Variants in STK3 observed in about 807,000 individuals in gnomAD.
The protein encoded by STK3 is serine/threonine kinase 3, also known as serine/threonine-protein kinase 3.
STK3 carries 41 observed loss-of-function variants against 58.0 expected under a neutral mutation model. That is an observed-to-expected ratio of 0.71 (90% CI 0.55 to 0.92). STK3 has a LOEUF of 0.92. Among genes scored for constraint, STK3 ranks in the 40% least tolerant of loss-of-function variants. The pLI is 0.00. For synonymous variants in STK3, 170 were observed against 191.0 expected (o/e 0.89, Z 0.91); for missense variants, 479 against 602.7 (o/e 0.79, Z 2.15).
intron 2 of STK3, among the ~76,000 whole-genome samples, chr8:98,372,159 G>A (rs1817616760): frequency 6.6e-6 from 1 of 152,178 alleles, no homozygotes; most frequent in Non-Finnish European, 1.5e-5. Context: ...CTAGGCAAAG[G>A]CAAGGAAAGA....
intron 6 of STK3, chr8:98,598,291 T>C (rs1816004455): frequency 2.0e-6 from 2 of 985,274 alleles, no homozygotes; most frequent in South Asian, 9.4e-5. Context: ...CAGTAGCTAT[T>C]AGAAACCCAA....
At chr8:98,663,606 G>A (rs1449332551) in intron 6 of STK3, among the ~76,000 whole-genome samples, 1 of 152,132 alleles carries the variant, frequency 6.6e-6, no homozygotes, top group East Asian at 1.9e-4. Context: ...CAATAGCAAA[G>A]ACTTGGAACC....
chr8:98,427,897 G>T lies in STK3; in HGVS notation n.483+6230C>A. Reference sequence around the variant, plus strand: ...GGTAGGGAGAGGGGGCCCCGCCAGGGCGCACGGCGCTCTCGCCGACGCTGT... The same window carrying T: ...GGTAGGGAGAGGGGGCCCCGCCAGGTCGCACGGCGCTCTCGCCGACGCTGT... On this transcript the variant is annotated intron_variant and non_coding_transcript_variant, in intron 3 of 3. Coordinates refer to the STK3 transcript ENST00000517832. 3 of 1,239,394 alleles carry T rather than the reference G, an allele frequency of 2.4e-6. No individual in the cohort carries two copies. In the South Asian group the frequency reaches 4.7e-5, roughly 19 times the overall value. The allele number at this position is 1,239,394 out of a possible 1,614,324, so 76.8% of individuals were successfully genotyped here.
chr8:98,790,983 C>CAA (rs749265270), intron 1 of STK3, among the ~76,000 whole-genome samples: 10 of 106,334 alleles, frequency 9.4e-5, no homozygotes, highest in Admixed American at 5.9e-4. Context: ...GACTCCGTCT[C>CAA]AAAAAAAAAA....
chr8:98,906,827 A>G (rs1464355125), intron 1 of STK3, among the ~76,000 whole-genome samples: 1 of 152,088 alleles, frequency 6.6e-6, no homozygotes, highest in African/African-American at 2.4e-5. Context: ...ACTATTTGCC[A>G]CATAGTACTT....
intron 10 of STK3, among the ~76,000 whole-genome samples, chr8:98,492,514 G>A (rs1166716090): frequency 1.3e-5 from 2 of 152,072 alleles, no homozygotes; most frequent in Admixed American, 6.6e-5. Flanking sequence ...GCTGAAGATA[G>A]TAATAATTTT....
chr8:98,863,634 A>T (rs1837015516), intron 3 of STK3, among the ~76,000 whole-genome samples: 1 of 152,226 alleles, frequency 6.6e-6, no homozygotes, highest in Admixed American at 6.5e-5. Flanking sequence ...CAGTATACAA[A>T]AAAATTTTAA....
chr8:98,510,316 G>A (rs1191120901), intron 10 of STK3, among the ~76,000 whole-genome samples: 1 of 151,968 alleles, frequency 6.6e-6, no homozygotes, highest in Non-Finnish European at 1.5e-5. Flanking sequence ...GTCTGAAGAC[G>A]GTTATGTGTG....
intron 10 of STK3, among the ~76,000 whole-genome samples, chr8:98,476,957 ACT>A (rs1359769510): frequency 1.3e-5 from 2 of 152,210 alleles, no homozygotes. Context: ...AACTGCAAGA[ACT>A]CTCTGACCTT....
intron 1 of STK3, among the ~76,000 whole-genome samples, chr8:98,936,580 C>G (rs1294623479): frequency 6.6e-6 from 1 of 152,202 alleles, no homozygotes; most frequent in Non-Finnish European, 1.5e-5. Flanking sequence ...ACTCCCAGGC[C>G]ATATGGCTTG....
chr8:98,682,395 A>C (rs1445244466), intron 6 of STK3, among the ~76,000 whole-genome samples: 1 of 152,210 alleles, frequency 6.6e-6, no homozygotes, highest in Non-Finnish European at 1.5e-5. Flanking sequence ...GATATCATTC[A>C]TTTGATTACA....
At chr8:98,464,191 T>G (rs1037088642) in intron 10 of STK3, among the ~76,000 whole-genome samples, 1 of 152,152 alleles carries the variant, frequency 6.6e-6, no homozygotes, top group Non-Finnish European at 1.5e-5. Context: ...ACAACAAGAA[T>G]TTTCTATGGC....
At chr8:98,420,070 G>C (rs931986074) in intron 3 of STK3, among the ~76,000 whole-genome samples, 3 of 152,166 alleles carry the variant, frequency 2.0e-5, no homozygotes, top group Admixed American at 1.3e-4. Flanking sequence ...CCTCCCCCTT[G>C]TCCGAGGTTC....
chr8:98,848,113 T>C (rs1836281744), intron 3 of STK3, among the ~76,000 whole-genome samples: 1 of 152,234 alleles, frequency 6.6e-6, no homozygotes, highest in South Asian at 2.1e-4. Context: ...CAATGACTTT[T>C]TAATATCTTC....
At chr8:98,739,092 C>G (rs1587471989) in intron 4 of STK3, among the ~76,000 whole-genome samples, 1 of 152,384 alleles carries the variant, frequency 6.6e-6, no homozygotes, top group Admixed American at 6.5e-5. Context: ...AGCCGGGAAG[C>G]TCCAACTGGG....
chr8:98,740,014 A>G (rs1188521778), intron 4 of STK3, among the ~76,000 whole-genome samples: 1 of 152,200 alleles, frequency 6.6e-6, no homozygotes, highest in Non-Finnish European at 1.5e-5. Context: ...GACGAAATAA[A>G]TGAAATGAAG....
rs1175906962 is a variant in STK3 at position 98,491,201 on chromosome 8, CAGAG to C, written c.1318-35205_1318-35202del. On this transcript the variant is annotated intron_variant, in intron 10 of 10. Transcript: ENST00000419617. ...AGAGAGAGAGAGAGAGAGAGAGAGA[CAGAG>C]AGAGAGAGAGAAGTACTCTTTCTGT... Among the ~76,000 whole-genome samples the C allele has an allele frequency of 1.1e-4, 12 of 105,394 alleles. No homozygotes were observed. In the South Asian group the frequency reaches 2.7e-3, roughly 24 times the overall value. The allele number at this position is 105,394 out of a possible 152,430, so 69.1% of individuals were successfully genotyped here.
At chr8:98,872,785 A>C (rs1378156694) in intron 3 of STK3, among the ~76,000 whole-genome samples, 1 of 152,164 alleles carries the variant, frequency 6.6e-6, no homozygotes, top group Non-Finnish European at 1.5e-5. Flanking sequence ...CTTTTCAAAA[A>C]ACCAGCTCCT....
intron 6 of STK3, among the ~76,000 whole-genome samples, chr8:98,704,230 C>G (rs1263070343): frequency 6.6e-6 from 1 of 152,110 alleles, no homozygotes; most frequent in Non-Finnish European, 1.5e-5. Context: ...TCAAGGAAAA[C>G]AAAAGGCAGT....
Sources: gnomAD v4.1 joint callset for allele counts (sites outside exome capture counted in the v4.1 genomes callset) on GRCh38, gnomAD v4.1.1 for gene constraint, MANE v1.5 for transcripts, NCBI Gene and HGNC (gene_info 2026-07-23, HGNC 2026-07-21) for gene names.